The following GALC variants were observed in gnomAD, a reference collection of about 807,000 sequenced individuals.
The protein encoded by GALC is galactocerebrosidase.
GALC carries 77 observed loss-of-function variants against 91.8 expected under a neutral mutation model. The ratio of observed to expected loss-of-function variants is 0.84; its 90% CI spans 0.70 to 1.01. The LOEUF (loss-of-function observed/expected upper bound fraction) is 1.01. GALC is among the 50% of genes least tolerant of loss of function. GALC has a pLI of 0.00. For missense variants in GALC, 882 were observed against 855.9 expected, an observed-to-expected ratio of 1.03 and a Z score of -0.38; for synonymous variants, 357 against 306.7, an observed-to-expected ratio of 1.16 and a Z score of -1.71.
intron 14 of GALC, among the ~76,000 whole-genome samples, chr14:87,943,759 G>A (rs1380753250): frequency 1.3e-5 from 2 of 152,024 alleles, no homozygotes; most frequent in African/African-American, 2.4e-5. Context: ...CAATAAGTGG[G>A]CACAGCAGCC....
chr14:87,988,178 T>C lies in GALC; in HGVS notation c.294A>G (p.Leu98=). 6.2e-7 allele frequency: 1 copy of C among 1,613,754 alleles called. No homozygotes were observed. Among genetic ancestry groups the C allele is most frequent in the East Asian group, 2.2e-5 (1 of 44,830 alleles). ...KPNFGASLHI[L]KVEIGGDGQT... ...GCCCATCACCACCTATTTCCACTTT[T>C]AAAATATGCAAAGAGGCACCAAAAT... The change falls in exon 3 of 17, where the codon TTA becomes TTG. Residue 98 remains leucine (L), a synonymous_variant. Transcript: ENST00000261304.
intron 6 of GALC, among the ~76,000 whole-genome samples, chr14:87,977,396 G>C (rs1459238247): frequency 6.6e-6 from 1 of 152,106 alleles, no homozygotes; most frequent in Admixed American, 6.5e-5. Context: ...AAGTATCAGA[G>C]GGAGCCCTCA....
At chr14:87,971,932 A>G (rs903391703) in intron 7 of GALC, among the ~76,000 whole-genome samples, 53 of 152,162 alleles carry the variant, frequency 3.5e-4, no homozygotes, top group African/African-American at 1.2e-3. Context: ...AGGGAGAACA[A>G]CTTTCAGTCA....
In GALC at chr14:87,933,882, CTG is replaced by C. The variant is rs1322489946; in HGVS notation, c.*848_*849del. 1 of 991,208 alleles carries C rather than the reference CTG, an allele frequency of 1.0e-6. No homozygotes were observed. The highest frequency in any genetic ancestry group is 1.6e-5 in the African/African-American group (1 of 62,142). The allele number at this position is 991,208 out of a possible 1,614,324, so 61.4% of individuals were successfully genotyped here. A position where few individuals can be genotyped will look rare whatever the true frequency, so the allele number is the denominator to read the frequency against. On this transcript the variant is annotated 3_prime_UTR_variant, in exon 17 of 17. Coordinates refer to ENST00000261304, the MANE Select transcript of GALC (RefSeq NM_000153.4). The stretch of plus-strand genomic sequence containing the variant: ...ATAAGGAGAGAAAAGCATTCATCAG[CTG>C]TGTGAGTCTGTTACCAGTGCACATG...
At chr14:87,987,342 A>T (rs1887018396) in intron 3 of GALC, among the ~76,000 whole-genome samples, 1 of 152,260 alleles carries the variant, frequency 6.6e-6, no homozygotes, top group South Asian at 2.1e-4. Flanking sequence ...ATTTAGCTTC[A>T]GCAAGTGAAA....
chr14:87,936,916 A>ATATATATATATATATATT (rs1431339979), intron 16 of GALC, among the ~76,000 whole-genome samples: 3 of 139,554 alleles, frequency 2.1e-5, no homozygotes, highest in African/African-American at 8.3e-5. Flanking sequence ...ATATATATTT[A>ATATATATATATATATATT]TTTATTTTCT....
rs914759887 is a variant in GALC, at chr14:87,935,029, G to A, written c.1912-151C>T. 1.7e-5 allele frequency: 11 copies of A among 637,984 alleles called. No individual in the cohort carries two copies. The African/African-American group carries it at 2.0e-4, about 12-fold the overall frequency. 39.5% of individuals were successfully genotyped at this position (637,984 alleles called of 1,614,324 possible). On this transcript the variant is annotated intron_variant, in intron 16 of 16. Transcript: ENST00000261304. The stretch of plus-strand genomic sequence containing the variant: ...GCAAAACACAATTCCACAAGTTTGA[G>A]CAAAAGTTTAAAATACAGGAAAAAA...
At chr14:87,987,944 A>G in intron 3 of GALC, 200 bp downstream of exon 3, 1 of 570,216 alleles carries the variant, frequency 1.8e-6, no homozygotes, top group South Asian at 2.3e-5. Context: ...TGAAGTTTGA[A>G]TATTGTTTTT....
At chr14:87,948,727 T>C (rs1885180395) in intron 12 of GALC, among the ~76,000 whole-genome samples, 1 of 152,080 alleles carries the variant, frequency 6.6e-6, no homozygotes, top group Admixed American at 6.6e-5. Context: ...ATGACATTAT[T>C]TTTCTTATGA....
intron 10 of GALC, chr14:87,953,806 G>C: frequency 1.2e-6 from 2 of 1,607,482 alleles, no homozygotes; most frequent in South Asian, 2.2e-5. Flanking sequence ...GATTCTAAAA[G>C]CCAGAAGTAT....
At chr14:87,993,327 C>G (rs1195412688), upstream of GALC, 4 of 1,535,990 alleles carry the variant, frequency 2.6e-6, no homozygotes, top group African/African-American at 2.7e-5. Flanking sequence ...AAGCAGCGAG[C>G]TTTTTCTTAT....
chr14:87,952,870 G>A, intron 10 of GALC: 1 of 1,062,000 alleles, frequency 9.4e-7, no homozygotes, highest in Non-Finnish European at 1.5e-6. Flanking sequence ...GGATTTGAAA[G>A]CATAGTTCTG....
chr14:87,957,448 T>G (rs1033147502), intron 10 of GALC, among the ~76,000 whole-genome samples: 1 of 151,988 alleles, frequency 6.6e-6, no homozygotes, highest in Non-Finnish European at 1.5e-5. Context: ...AGGTGAGAGG[T>G]AGGGATGCAG....
chr14:87,969,777 G>A (rs1178546485), intron 7 of GALC, among the ~76,000 whole-genome samples: 3 of 151,986 alleles, frequency 2.0e-5, no homozygotes, highest in Non-Finnish European at 4.4e-5. Flanking sequence ...AATCCTATTT[G>A]GTAATTCTTT....
intron 13 of GALC, among the ~76,000 whole-genome samples, chr14:87,946,770 ATT>A (rs1259152423): frequency 6.6e-6 from 1 of 151,950 alleles, no homozygotes; most frequent in African/African-American, 2.4e-5. Flanking sequence ...CTAAGAGGCC[ATT>A]TCAAAGAGTT....
At chr14:87,983,468 T>C (rs747754886) in intron 5 of GALC, among the ~76,000 whole-genome samples, 16 of 152,246 alleles carry the variant, frequency 1.1e-4, no homozygotes, top group South Asian at 2.1e-4. Flanking sequence ...TTACAGTTTA[T>C]ATGTTCCAGC....
At chr14:87,940,607 G>C (rs138702216) in intron 15 of GALC, among the ~76,000 whole-genome samples, 8 of 151,836 alleles carry the variant, frequency 5.3e-5, no homozygotes, top group African/African-American at 1.9e-4. Flanking sequence ...GTATCACTGA[G>C]GTAAGTTCAG....
chr14:87,936,914 T>TATATATATATATATATATA (rs60680373), intron 16 of GALC, among the ~76,000 whole-genome samples: 3,423 of 105,396 alleles, frequency 0.032, 310 homozygotes, highest in East Asian at 0.039. Context: ...ATATATATAT[T>TATATATATATATATATATA]TATTTATTTT....
chr14:87,949,581 A>G (rs1349753107), intron 12 of GALC, among the ~76,000 whole-genome samples: 1 of 152,000 alleles, frequency 6.6e-6, no homozygotes, highest in East Asian at 1.9e-4. Flanking sequence ...ATGTGTGGAT[A>G]CAACTGTCTA....
Sources: allele counts gnomAD v4.1 joint callset (sites outside exome capture counted in the v4.1 genomes callset), GRCh38; gene constraint gnomAD v4.1.1; transcripts MANE v1.5; gene names NCBI Gene and HGNC (gene_info 2026-07-23, HGNC 2026-07-21).